The following GGT7 variants were observed in gnomAD, a reference collection of about 807,000 sequenced individuals.
The protein encoded by GGT7 is glutathione hydrolase 7.
A neutral mutation model predicts 69.2 loss-of-function variants in GGT7; 30 were observed. That is an observed-to-expected ratio of 0.43 (90% CI 0.32 to 0.59). The LOEUF (loss-of-function observed/expected upper bound fraction) is 0.59. GGT7 is among the 20% of genes least tolerant of loss of function. GGT7 has a pLI of 0.05. For missense variants in GGT7, 733 were observed against 901.1 expected (o/e 0.81, Z 2.39); for synonymous variants, 388 against 391.8 (o/e 0.99, Z 0.12).
chr20:34,863,910 C>T lies in GGT7; in HGVS notation c.170-362G>A, dbSNP rs75076672. Among the ~76,000 whole-genome samples the T allele has an allele frequency of 0.06, 9,141 of 152,252 alleles. 309 individuals are homozygous for T. The highest frequency in any genetic ancestry group is 0.081 in the East Asian group (419 of 5,174). On this transcript the variant is annotated intron_variant, in intron 1 of 14. Coordinates refer to ENST00000336431, the MANE Select transcript of GGT7 (RefSeq NM_178026.3). This position sits in a 1 kb window ranked among gnomAD's most constrained non-coding sequence, Gnocchi z 4.4. ...GGATCCTGCCCCAGTTGGGGCCCAG[C>T]CTTCCATGCAAGGAGGCAGCTACAT...
rs540100939 is a variant in GGT7, at chr20:34,861,495, C to T, written c.625G>A (p.Ala209Thr). Residue 209 changes from alanine (A) to threonine (T), a missense_variant, in exon 4 of 15, where the codon GCA becomes ACA. Coordinates refer to ENST00000336431, the MANE Select transcript of GGT7 (RefSeq NM_178026.3). ...GTCTCTTCCCTGAGGGCCCCTGGTGCGGACTCCCGGAAATCAATTAGGTGG... is the reference window on the plus strand; with the variant it reads ...GTCTCTTCCCTGAGGGCCCCTGGTGTGGACTCCCGGAAATCAATTAGGTGG... ...ESHLIDFRESAPGALREETLQ... is the reference protein window; with the variant it reads ...ESHLIDFRESTPGALREETLQ... The T allele has an allele frequency of 4.5e-6, 7 of 1,548,570 alleles. No individual in the cohort carries two copies. Among genetic ancestry groups the T allele is most frequent in the East Asian group, 4.7e-5 (2 of 42,108 alleles).
chr20:34,863,589 C>G lies in GGT7; in HGVS notation c.170-41G>C. On this transcript the variant is annotated intron_variant, in intron 1 of 14. Transcript: ENST00000336431. This position sits in a 1 kb window ranked among gnomAD's most constrained non-coding sequence, Gnocchi z 4.4. ...CGGGGTCGGTCTGGGCATCTCCTAT[C>G]TGGCCCTGCCCACCCTCCAGGTGGG... 1 of 1,335,740 alleles carries G rather than the reference C, an allele frequency of 7.5e-7. No individual in the cohort carries two copies. Among genetic ancestry groups the G allele is most frequent in the Non-Finnish European group, 1.1e-6 (1 of 951,860 alleles). The allele number at this position is 1,335,740 out of a possible 1,614,324, so 82.7% of individuals were successfully genotyped here.
At chr20:34,848,322 C>A (rs1291051182) in intron 14 of GGT7, among the ~76,000 whole-genome samples, 5 of 152,108 alleles carry the variant, frequency 3.3e-5, no homozygotes, top group Non-Finnish European at 7.4e-5. Flanking sequence ...CTCCACATAC[C>A]AAATTCCTAC....
At position 34,858,439 on chromosome 20, in the gene GGT7, C is replaced by G. The variant is rs74399711; in HGVS notation, c.1014+1004G>C. Among the ~76,000 whole-genome samples the G allele has an allele frequency of 3.9e-5, 6 of 152,294 alleles. No individual in the cohort carries two copies. The East Asian group carries it at 1.2e-3, about 29-fold the overall frequency. On this transcript the variant is annotated intron_variant, in intron 7 of 14. Coordinates refer to ENST00000336431, the MANE Select transcript of GGT7 (RefSeq NM_178026.3). ...CCAGTGCCCAGCATAGGGCTTGGCA[C>G]AGAGCAGGCACTCTGTGAATGTTGA...
chr20:34,851,981 C>G (rs1454848685), intron 12 of GGT7, among the ~76,000 whole-genome samples, 174 bp downstream of exon 12: 4 of 152,228 alleles, frequency 2.6e-5, no homozygotes, highest in African/African-American at 9.6e-5. Flanking sequence ...TTCTTCAGAC[C>G]CACCAGGCTC....
At position 34,872,748 on chromosome 20, in the gene GGT7, C is replaced by A; in HGVS notation, c.68G>T (p.Ser23Ile). ...GGGCAGCCGCGGGAAGCTGGTGATG[C>A]TCATGTAGTCCACTGGCGAGTAGGC... ...LGAYSPVDYM[S>I]ITSFPRLPED... is the part of the protein sequence containing the mutation. Residue 23 changes from serine (S) to isoleucine (I), a missense_variant, in exon 1 of 15, where the codon AGC (serine) becomes ATC (isoleucine). By Grantham distance (142) the Ser-to-Ile change is moderately radical. Coordinates refer to ENST00000336431, the MANE Select transcript of GGT7 (RefSeq NM_178026.3). 1 of 1,500,266 alleles carries A rather than the reference C, an allele frequency of 6.7e-7. No homozygotes were observed. 92.9% of individuals were successfully genotyped at this position (1,500,266 alleles called of 1,614,324 possible). A position where few individuals can be genotyped will look rare whatever the true frequency, so the allele number is the denominator to read the frequency against.
At chr20:34,855,770 G>A (rs868171415) in intron 8 of GGT7, among the ~76,000 whole-genome samples, 2 of 111,146 alleles carry the variant, frequency 1.8e-5, no homozygotes, top group African/African-American at 3.7e-5. Context: ...CCAACGCTAC[G>A]CTTGTTCTTT....
chr20:34,859,481 A>G lies in GGT7; in HGVS notation c.976T>C (p.Tyr326His). ...TCCAGTGTGAGGTTGCCACCTGCGT[A>G]GAAGGCAGCCGGGCCGGAGGTGCCA... is the stretch of plus-strand genomic sequence containing the variant. ...VLGTSGPAAFYAGGNLTLEMV... is the reference protein window; with the variant it reads ...VLGTSGPAAFHAGGNLTLEMV... Residue 326 changes from tyrosine (Y) to histidine (H), a missense_variant, in exon 7 of 15, where the codon TAC (tyrosine) becomes CAC (histidine). Physicochemically the swap from Tyr to His is moderately conservative, Grantham distance 83. Coordinates refer to ENST00000336431, the MANE Select transcript of GGT7 (RefSeq NM_178026.3). The G allele has an allele frequency of 6.2e-7, 1 of 1,604,084 alleles. No homozygotes were observed. Among genetic ancestry groups the G allele is most frequent in the Non-Finnish European group, 8.5e-7 (1 of 1,172,430 alleles).
chr20:34,860,106 A>AGGGGGG, intron 5 of GGT7, 64 bp from the exon 6 acceptor site: 1 of 312,562 alleles, frequency 3.2e-6, no homozygotes. Context: ...GTCCGGGGGG[A>AGGGGGG]GGGGGGTTCC....
Position 34,863,949 on chromosome 20 carries a change from G to A in GGT7, c.170-401C>T, listed in dbSNP as rs2079647147. ...AGGCAGCTACATAAACAGAGTGGAGGGACCCTGCCTTCCAACCTCACTTCA... is the reference window on the plus strand; with the variant it reads ...AGGCAGCTACATAAACAGAGTGGAGAGACCCTGCCTTCCAACCTCACTTCA... On this transcript the variant is annotated intron_variant, in intron 1 of 14. Coordinates refer to ENST00000336431, the MANE Select transcript of GGT7 (RefSeq NM_178026.3). This position sits in a 1 kb window ranked among gnomAD's most constrained non-coding sequence, Gnocchi z 4.4. Among the ~76,000 whole-genome samples, 2 of 152,144 alleles carry A rather than the reference G, an allele frequency of 1.3e-5. No homozygotes were observed. The highest frequency in any genetic ancestry group is 1.5e-5 in the Non-Finnish European group (1 of 68,022).
chr20:34,854,509 C>T, intron 10 of GGT7, 22 bp downstream of exon 10: 3 of 1,488,576 alleles, frequency 2.0e-6, no homozygotes, highest in Non-Finnish European at 2.8e-6. Context: ...TCTGTAGCCC[C>T]CAGGTCCTGC....
intron 13 of GGT7, chr20:34,850,656 A>G (rs1478450086): frequency 2.9e-6 from 1 of 349,710 alleles, no homozygotes; most frequent in Non-Finnish European, 5.7e-6. Context: ...TTTCCATTTT[A>G]AAGATGAAGA....
Position 34,852,274 on chromosome 20 carries a change from TG to T in GGT7, c.1470-3del. 2 of 1,611,628 alleles carry T rather than the reference TG, an allele frequency of 1.2e-6. No homozygotes were observed. The highest frequency in any genetic ancestry group is 1.7e-6 in the Non-Finnish European group (2 of 1,177,746). On this transcript the variant is annotated splice_region_variant and splice_polypyrimidine_tract_variant and intron_variant, in intron 11 of 14. Coordinates refer to ENST00000336431, the MANE Select transcript of GGT7 (RefSeq NM_178026.3). ...CTGCCAAAGGGCTGGTTCAGGGAGC[TG>T]GGGGCCGAGGTGGGGTTGGGTGAGC... is the stretch of plus-strand genomic sequence containing the variant.
At chr20:34,859,866 C>T in intron 6 of GGT7, 103 bp downstream of exon 6, 5 of 921,000 alleles carry the variant, frequency 5.4e-6, no homozygotes. Context: ...GTCTGAGGAG[C>T]AAACTGGAAG....
Position 34,872,767 on chromosome 20 carries a change from A to G in GGT7, c.49T>C (p.Ser17Pro). 6 of 1,446,904 alleles carry G rather than the reference A, an allele frequency of 4.1e-6. No homozygotes were observed. The highest frequency in any genetic ancestry group is 5.5e-6 in the Non-Finnish European group (6 of 1,096,530). 89.6% of individuals were successfully genotyped at this position (1,446,904 alleles called of 1,614,324 possible). Residue 17 changes from serine to proline, a missense_variant, in exon 1 of 15, where the codon TCG becomes CCG. Coordinates refer to ENST00000336431, the MANE Select transcript of GGT7 (RefSeq NM_178026.3). ...ASQESALGAYSPVDYMSITSF... is the reference protein window; with the variant it reads ...ASQESALGAYPPVDYMSITSF... ...GTGATGCTCATGTAGTCCACTGGCG[A>G]GTAGGCGCCCAGGGCGCTCTCCTGG...
Position 34,844,944 on chromosome 20 carries a change from AG to A in GGT7, c.*383del, listed in dbSNP as rs2079275234. 2 of 186,410 alleles carry A rather than the reference AG, an allele frequency of 1.1e-5. No homozygotes were observed. The highest frequency in any genetic ancestry group is 1.1e-4 in the Admixed American group (2 of 17,904). The allele number at this position is 186,410 out of a possible 1,614,324, so 11.5% of individuals were successfully genotyped here. The stretch of plus-strand genomic sequence containing the variant: ...AGAAAGGAACTGGAAGACAAGGCCC[AG>A]GTCAGGCCAGTCTGAAGATGTTGGG... On this transcript the variant is annotated 3_prime_UTR_variant, in exon 15 of 15. Coordinates refer to ENST00000336431, the MANE Select transcript of GGT7 (RefSeq NM_178026.3).
chr20:34,857,021 G>A, intron 7 of GGT7, 128 bp from the exon 8 acceptor site: 1 of 692,040 alleles, frequency 1.4e-6, no homozygotes. Context: ...CCCCATCGTG[G>A]CCTTTAGAGA....
rs1049228321 is a variant in GGT7 at position 34,847,857 on chromosome 20, C to T, written c.1825+2104G>A. Among the ~76,000 whole-genome samples the T allele has an allele frequency of 2.6e-5, 4 of 152,266 alleles. No homozygotes were observed. The East Asian group carries it at 5.8e-4, about 22-fold the overall frequency. On this transcript the variant is annotated intron_variant, in intron 14 of 14. Transcript: ENST00000336431. ...CTGTAAATCCAGCACTTCGGGAGGC[C>T]GAGGCAGGCGGATTACTTGAGGTCA...
At chr20:34,860,662 T>C (rs1382694426) in intron 4 of GGT7, among the ~76,000 whole-genome samples, 6 of 119,012 alleles carry the variant, frequency 5.0e-5, no homozygotes, top group Non-Finnish European at 7.0e-5. Context: ...TTTTTTTTTT[T>C]CCTGTTACCC....
Sources: gnomAD v4.1 joint callset for allele counts (sites outside exome capture counted in the v4.1 genomes callset) on GRCh38, gnomAD v4.1.1 for gene constraint, Gnocchi (gnomAD v3.1) non-coding constraint, MANE v1.5 for transcripts, NCBI Gene and HGNC (gene_info 2026-07-23, HGNC 2026-07-21) for gene names.